Variants in SYNPO2 observed in about 807,000 individuals in gnomAD.
SYNPO2 encodes synaptopodin 2, also known as synaptopodin-2.
A neutral mutation model predicts 85.0 loss-of-function variants in SYNPO2; 56 were observed. The ratio of observed to expected loss-of-function variants is 0.66; its 90% confidence interval spans 0.53 to 0.82. The LOEUF is 0.82. SYNPO2 is among the 40% of genes least tolerant of loss of function. The pLI is 0.00. For missense variants in SYNPO2, 1,575 were observed against 1,534.2 expected, an observed-to-expected ratio of 1.03 and a Z score of -0.44; for synonymous variants, 602 against 591.1, an observed-to-expected ratio of 1.02 and a Z score of -0.27.
chr4:118,960,530 C>T (rs1360483886), intron 1 of SYNPO2, among the ~76,000 whole-genome samples: 2 of 151,938 alleles, frequency 1.3e-5, no homozygotes, highest in Non-Finnish European at 2.9e-5. Flanking sequence ...TGTATCTAAT[C>T]TCTCATCTTC....
rs540815033 is a variant in SYNPO2, at chr4:119,054,474, T to C, written c.3253-2927T>C. Among the ~76,000 whole-genome samples the C allele has an allele frequency of 2.0e-5, 3 of 152,172 alleles. No individual in the cohort carries two copies. The East Asian group carries it at 5.8e-4, about 29-fold the overall frequency. Reference sequence around the variant, plus strand: ...AGAGAATTTTACTAAGCTACGAAAATGGCTCTCAGTGGAGAGAGGAGCTAG... The same window carrying C: ...AGAGAATTTTACTAAGCTACGAAAACGGCTCTCAGTGGAGAGAGGAGCTAG... On this transcript the variant is annotated intron_variant, in intron 4 of 4. Transcript: ENST00000307142.
At chr4:118,975,675 G>C (rs1735697142) in intron 1 of SYNPO2, among the ~76,000 whole-genome samples, 1 of 152,170 alleles carries the variant, frequency 6.6e-6, no homozygotes, top group African/African-American at 2.4e-5. Flanking sequence ...CAGGGATATA[G>C]TTACAGGATT....
At chr4:119,003,528 A>G (rs1467757385) in intron 1 of SYNPO2, among the ~76,000 whole-genome samples, 1 of 152,074 alleles carries the variant, frequency 6.6e-6, no homozygotes, top group Non-Finnish European at 1.5e-5. Context: ...TCAGCTATTC[A>G]TTTCTGCTAA....
intron 1 of SYNPO2, among the ~76,000 whole-genome samples, chr4:118,966,011 C>T (rs1313476484): frequency 6.6e-6 from 1 of 152,010 alleles, no homozygotes; most frequent in African/African-American, 2.4e-5. Flanking sequence ...GCCATAATTG[C>T]ACCACTGCAC....
intron 1 of SYNPO2, among the ~76,000 whole-genome samples, chr4:118,853,799 C>T (rs1426727391): frequency 6.6e-6 from 1 of 152,078 alleles, no homozygotes; most frequent in Admixed American, 6.6e-5. Flanking sequence ...AAGAAGCTGC[C>T]AGGCTACCAG....
At chr4:119,037,870 G>C (rs1036186198) in intron 4 of SYNPO2, 4 of 190,026 alleles carry the variant, frequency 2.1e-5, no homozygotes, top group African/African-American at 9.5e-5. Flanking sequence ...AAGAGGCTAA[G>C]TAACTTGCCA....
intron 1 of SYNPO2, among the ~76,000 whole-genome samples, chr4:118,939,977 CTTTTTT>C (rs111485944): frequency 8.3e-6 from 1 of 119,848 alleles, no homozygotes; most frequent in Non-Finnish European, 1.7e-5. Context: ...TTTCTCTCTT[CTTTTTT>C]TTTTTTTTTT....
chr4:118,961,441 C>T (rs1171796554), intron 1 of SYNPO2, among the ~76,000 whole-genome samples: 1 of 152,124 alleles, frequency 6.6e-6, no homozygotes, highest in East Asian at 1.9e-4. Flanking sequence ...TATGTTCTCA[C>T]TTTGGGTTGA....
At chr4:119,049,906 G>T (rs1275652825) in intron 4 of SYNPO2, among the ~76,000 whole-genome samples, 2 of 152,132 alleles carry the variant, frequency 1.3e-5, no homozygotes, top group Non-Finnish European at 2.9e-5. Context: ...TCACCTGCCT[G>T]TTCTTGTGAC....
At chr4:118,984,464 C>T (rs1047138467) in intron 1 of SYNPO2, among the ~76,000 whole-genome samples, 8 of 152,164 alleles carry the variant, frequency 5.3e-5, no homozygotes, top group African/African-American at 1.9e-4. Flanking sequence ...GTTCAAAGCC[C>T]CTAAAATGAC....
Position 119,057,742 on chromosome 4 carries a change from G to A in SYNPO2, c.3594G>A (p.Glu1198=), listed in dbSNP as rs147516290. Residue 1198 remains glutamate (E), a synonymous_variant, in exon 5 of 5, where the codon GAG becomes GAA. Coordinates refer to ENST00000307142, the MANE Select transcript of SYNPO2 (RefSeq NM_133477.3). ...ATATGGGCTCATGTGGAAGGCAAGA[G>A]TATAATGTCACAGCCAATAATAATA... ...KAYMGSCGRQ[E]YNVTANNNMS... 6.2e-6 allele frequency: 10 copies of A among 1,614,126 alleles called. No homozygotes were observed. Among genetic ancestry groups the A allele is most frequent in the Non-Finnish European group, 8.5e-6 (10 of 1,180,038 alleles).
chr4:118,959,619 G>C (rs900251167), intron 1 of SYNPO2, among the ~76,000 whole-genome samples: 5 of 149,662 alleles, frequency 3.3e-5, no homozygotes, highest in African/African-American at 9.7e-5. Flanking sequence ...AGAAACCTAG[G>C]AGATTCAGAA....
intron 1 of SYNPO2, among the ~76,000 whole-genome samples, chr4:118,879,650 A>T (rs969942842): frequency 3.3e-5 from 5 of 152,176 alleles, no homozygotes; most frequent in African/African-American, 1.2e-4. Context: ...CCAGCGTATG[A>T]TACTGTGTTA....
chr4:118,894,246 T>G (rs1233634970), intron 1 of SYNPO2, among the ~76,000 whole-genome samples: 1 of 151,884 alleles, frequency 6.6e-6, no homozygotes, highest in African/African-American at 2.4e-5. Context: ...TCTCTCCTAG[T>G]CAAGTTAAGA....
chr4:118,976,860 G>A (rs1396185935), intron 1 of SYNPO2, among the ~76,000 whole-genome samples: 1 of 152,228 alleles, frequency 6.6e-6, no homozygotes, highest in Non-Finnish European at 1.5e-5. Context: ...TAGATACAGA[G>A]TGTCGATTGG....
At chr4:118,852,628 A>G (rs1731440215) in intron 1 of SYNPO2, among the ~76,000 whole-genome samples, 1 of 152,162 alleles carries the variant, frequency 6.6e-6, no homozygotes, top group Admixed American at 6.5e-5. Flanking sequence ...GGAACAGAAA[A>G]CCAAATACCA....
intron 4 of SYNPO2, chr4:119,036,168 A>G (rs1738503850): frequency 1.0e-6 from 1 of 985,350 alleles, no homozygotes; most frequent in African/African-American, 1.7e-5. Flanking sequence ...CAGGCAGGGC[A>G]TTTGAAGTCA....
chr4:118,907,716 A>G (rs1044431377), intron 1 of SYNPO2, among the ~76,000 whole-genome samples: 8 of 152,204 alleles, frequency 5.3e-5, no homozygotes, highest in African/African-American at 1.9e-4. Context: ...TATAAAAATG[A>G]CACATTGTCA....
At chr4:119,051,186 A>ATGCT (rs376359189) in intron 4 of SYNPO2, among the ~76,000 whole-genome samples, 1 of 100,720 alleles carries the variant, frequency 9.9e-6, no homozygotes, top group Admixed American at 1.3e-4. Context: ...ATGGGAAGCA[A>ATGCT]TTTTTTTTTT....
Sources: gnomAD v4.1 joint callset for allele counts (sites outside exome capture counted in the v4.1 genomes callset) on GRCh38, gnomAD v4.1.1 for gene constraint, MANE v1.5 for transcripts, NCBI Gene and HGNC (gene_info 2026-07-23, HGNC 2026-07-21) for gene names.